WIPI2: variants seen among roughly 807,000 people sequenced by gnomAD.
WIPI2 encodes the protein WD repeat domain, phosphoinositide interacting 2, also known as WD repeat domain phosphoinositide-interacting protein 2.
WIPI2 carries 28 observed loss-of-function variants against 52.3 expected under a neutral mutation model. The observed-to-expected ratio is 0.54, with a 90% CI of 0.40 to 0.73. The LOEUF is 0.73. WIPI2 is among the 30% of genes least tolerant of loss of function. The pLI, the probability that WIPI2 is intolerant of heterozygous loss-of-function variation, is 0.00. For synonymous variants in WIPI2, 268 were observed against 245.0 expected (o/e 1.09, Z -0.88); for missense variants, 506 against 602.9 (o/e 0.84, Z 1.68).
At chr7:5,203,612 GTT>G (rs1562389178) in intron 3 of WIPI2, among the ~76,000 whole-genome samples, 1 of 139,874 alleles carries the variant, frequency 7.1e-6, no homozygotes, top group Non-Finnish European at 1.5e-5. Context: ...AGTCACTAAA[GTT>G]TACGTTCAGC....
chr7:5,222,535 C>T, intron 7 of WIPI2, 67 bp from the exon 8 acceptor site: 1 of 1,501,202 alleles, frequency 6.7e-7, no homozygotes, highest in South Asian at 1.1e-5. Flanking sequence ...TTGCAGTCTG[C>T]TGTGAAAGAT....
At chr7:5,211,913 C>T (rs6969318) in intron 3 of WIPI2, among the ~76,000 whole-genome samples, 6,359 of 152,290 alleles carry the variant, frequency 0.042, 197 homozygotes, top group South Asian at 0.09. Flanking sequence ...GCCGCACACA[C>T]GCCCAGTACA....
At chr7:5,224,740 C>T (rs1219602682) in intron 8 of WIPI2, among the ~76,000 whole-genome samples, 2 of 152,188 alleles carry the variant, frequency 1.3e-5, no homozygotes, top group African/African-American at 4.8e-5. Context: ...CCATCAAGTG[C>T]AGGGTCTGCA....
chr7:5,211,117 G>A (rs746220768), intron 3 of WIPI2, among the ~76,000 whole-genome samples: 1 of 152,170 alleles, frequency 6.6e-6, no homozygotes, highest in Non-Finnish European at 1.5e-5. Context: ...GAATCAACAC[G>A]AGAAGATAGG....
chr7:5,225,768 C>T (rs1783399597), intron 8 of WIPI2, 55 bp from the exon 9 acceptor site: 3 of 1,346,518 alleles, frequency 2.2e-6, no homozygotes, highest in Admixed American at 1.9e-5. Flanking sequence ...TTGAGTTGAA[C>T]CCCTGGGGCA....
intron 2 of WIPI2, among the ~76,000 whole-genome samples, chr7:5,195,409 C>G (rs1161948758): frequency 6.6e-6 from 1 of 152,118 alleles, no homozygotes; most frequent in African/African-American, 2.4e-5. Context: ...TCCCTTGAGC[C>G]CAGGAGGTTG....
intron 3 of WIPI2, among the ~76,000 whole-genome samples, chr7:5,203,887 T>C (rs1302224351): frequency 1.3e-5 from 2 of 152,078 alleles, no homozygotes; most frequent in Non-Finnish European, 2.9e-5. Flanking sequence ...CCTCCCAAAG[T>C]GCTGGGATTA....
chr7:5,216,604 C>T lies in WIPI2; in HGVS notation c.423C>T (p.Asn141=), dbSNP rs746454595. The change falls in exon 5 of 13, where the codon AAC becomes AAT. Residue 141 remains asparagine (N), a synonymous_variant. Coordinates refer to ENST00000288828, the MANE Select transcript of WIPI2 (RefSeq NM_015610.4). ...TGGAGGAGTCCCTGTACATCCACAACATTCGGGACATGAAGGTGCTGCATA... is the reference window on the plus strand; with the variant it reads ...TGGAGGAGTCCCTGTACATCCACAATATTCGGGACATGAAGGTGCTGCATA... ...VCLEESLYIH[N]IRDMKVLHTI... 1.9e-5 allele frequency: 30 copies of T among 1,614,086 alleles called. No homozygotes were observed. In the South Asian group the frequency reaches 3.1e-4, roughly 17 times the overall value.
intron 8 of WIPI2, among the ~76,000 whole-genome samples, chr7:5,223,104 C>G (rs1012349303): frequency 6.6e-6 from 1 of 152,238 alleles, no homozygotes. Context: ...AAGCCGCAGC[C>G]TGGAGTTCTC....
chr7:5,230,802 C>A lies in WIPI2; in HGVS notation c.1253-33C>A. 1 of 1,577,442 alleles carries A rather than the reference C, an allele frequency of 6.3e-7. No individual in the cohort carries two copies. The highest frequency in any genetic ancestry group is 8.7e-7 in the Non-Finnish European group (1 of 1,151,796). Reference sequence around the variant, plus strand: ...CATGGGGTCTGTGGTGTGTCCCCAGCCTTTGAAGGGTGACTTCGTCGTCTC... The same window carrying A: ...CATGGGGTCTGTGGTGTGTCCCCAGACTTTGAAGGGTGACTTCGTCGTCTC... On this transcript the variant is annotated intron_variant, in intron 12 of 12. Coordinates refer to ENST00000288828, the MANE Select transcript of WIPI2 (RefSeq NM_015610.4). The surrounding 1 kb of genome is among the most constrained non-coding windows in gnomAD (Gnocchi z 4.8).
chr7:5,225,117 T>C (rs1251351134), intron 8 of WIPI2, among the ~76,000 whole-genome samples: 3 of 151,918 alleles, frequency 2.0e-5, no homozygotes, highest in Admixed American at 6.6e-5. Context: ...CCACTTTCCC[T>C]GTTGAAAGTT....
At position 5,216,545 on chromosome 7, in the gene WIPI2, G is replaced by C. The variant is rs372210048; in HGVS notation, c.382-18G>C. 6.2e-7 allele frequency: 1 copy of C among 1,613,206 alleles called. No homozygotes were observed. The highest frequency in any genetic ancestry group is 8.5e-7 in the Non-Finnish European group (1 of 1,179,362). On this transcript the variant is annotated intron_variant, in intron 4 of 12. Coordinates refer to ENST00000288828, the MANE Select transcript of WIPI2 (RefSeq NM_015610.4). ...TGGCCGTTGCTTCACGTTTGGTTTC[G>C]TTTTGTCTCTCGCCTAGAGGCTGAT...
At chr7:5,206,945 T>C (rs948535055) in intron 3 of WIPI2, among the ~76,000 whole-genome samples, 34 of 152,242 alleles carry the variant, frequency 2.2e-4, no homozygotes, top group African/African-American at 8.2e-4. Context: ...GCTCAGCTAA[T>C]TTTTCGATTT....
At chr7:5,228,240 C>G (rs1345561561) in intron 11 of WIPI2, 29 bp downstream of exon 11, 2 of 1,579,224 alleles carry the variant, frequency 1.3e-6, no homozygotes, top group Non-Finnish European at 1.7e-6. Flanking sequence ...CTTCACGGAG[C>G]TGCTCCGTGC....
chr7:5,204,914 C>T (rs968871453), intron 3 of WIPI2, among the ~76,000 whole-genome samples: 6 of 152,152 alleles, frequency 3.9e-5, no homozygotes, highest in Admixed American at 6.5e-5. Context: ...GGGCTCAGGC[C>T]ATCTTCCTGC....
intron 3 of WIPI2, 199 bp from the exon 4 acceptor site, chr7:5,214,336 A>C: frequency 6.3e-7 from 1 of 1,577,088 alleles, no homozygotes; most frequent in South Asian, 1.1e-5. Flanking sequence ...CTTAGAGTGG[A>C]AATGCTCCTG....
chr7:5,231,133 AG>A lies in WIPI2; in HGVS notation c.*187del, dbSNP rs1360964046. On this transcript the variant is annotated 3_prime_UTR_variant, in exon 13 of 13. Coordinates refer to ENST00000288828, the MANE Select transcript of WIPI2 (RefSeq NM_015610.4). Reference sequence around the variant, plus strand: ...TGAGGAAATACATCATTTTCACTTCAGTGGCTTTTAAATCCTGCTTATGAAT... The same window carrying A: ...TGAGGAAATACATCATTTTCACTTCATGGCTTTTAAATCCTGCTTATGAAT... 1 of 434,086 alleles carries A rather than the reference AG, an allele frequency of 2.3e-6. No homozygotes were observed. The highest frequency in any genetic ancestry group is 4.0e-6 in the Non-Finnish European group (1 of 248,584). The allele number at this position is 434,086 out of a possible 1,614,324, so 26.9% of individuals were successfully genotyped here.
Position 5,195,358 on chromosome 7 carries a change from G to A in WIPI2, c.128+2187G>A, listed in dbSNP as rs190518904. ...AAATTAGCCGGGTGTGGTGGCACGC[G>A]CCTGTGGTCCCCAGCTACTCGGGAG... On this transcript the variant is annotated intron_variant, in intron 2 of 12. Coordinates refer to ENST00000288828, the MANE Select transcript of WIPI2 (RefSeq NM_015610.4). 3.5e-3 allele frequency among the ~76,000 whole-genome samples: 537 copies of A among 151,818 alleles called. 2 individuals are homozygous for A. Among genetic ancestry groups the A allele is most frequent in the African/African-American group, 0.012 (497 of 41,400 alleles).
At chr7:5,225,764 T>G (rs1043305164) in intron 8 of WIPI2, 59 bp from the exon 9 acceptor site, 3 of 1,302,798 alleles carry the variant, frequency 2.3e-6, no homozygotes, top group African/African-American at 2.9e-5. Flanking sequence ...CCACTTGAGT[T>G]GAACCCCTGG....
Sources: gnomAD v4.1 joint callset for allele counts (sites outside exome capture counted in the v4.1 genomes callset) on GRCh38, gnomAD v4.1.1 for gene constraint, Gnocchi (gnomAD v3.1) non-coding constraint, MANE v1.5 for transcripts, NCBI Gene and HGNC (gene_info 2026-07-23, HGNC 2026-07-21) for gene names.